The following CALN1 variants were observed in gnomAD, a reference collection of about 807,000 sequenced individuals.
CALN1 encodes calcium-binding protein 8.
CALN1 carries 17 observed loss-of-function variants against 30.6 expected under a neutral mutation model. That is an observed-to-expected ratio of 0.56 (90% CI 0.38 to 0.83). The LOEUF is 0.83. CALN1 is among the 40% of genes least tolerant of loss of function. The probability of loss-of-function intolerance (pLI) is 0.00; values close to 1 mark genes in which losing one functional copy is unlikely to be tolerated. For synonymous variants in CALN1, 156 were observed against 131.4 expected, an observed-to-expected ratio of 1.19 and a Z score of -1.28; for missense variants, 291 against 354.9, an observed-to-expected ratio of 0.82 and a Z score of 1.45.
intron 3 of CALN1, among the ~76,000 whole-genome samples, chr7:72,228,079 CTG>C (rs1318068132): frequency 6.6e-6 from 1 of 152,018 alleles, no homozygotes; most frequent in Non-Finnish European, 1.5e-5. Flanking sequence ...GTGCTGCTGT[CTG>C]TGCCTATCAA....
chr7:72,217,590 T>C (rs1436818133), intron 3 of CALN1, among the ~76,000 whole-genome samples: 2 of 151,926 alleles, frequency 1.3e-5, no homozygotes, highest in Non-Finnish European at 2.9e-5. Context: ...GTTCAGAGAT[T>C]GTCATCAGAG....
chr7:72,392,796 A>C (rs1406677768), intron 2 of CALN1, among the ~76,000 whole-genome samples: 1 of 151,490 alleles, frequency 6.6e-6, no homozygotes, highest in Non-Finnish European at 1.5e-5. Context: ...TGGGCAACAT[A>C]GCAAGACCCT....
intron 4 of CALN1, among the ~76,000 whole-genome samples, chr7:72,077,443 T>C (rs1804826091): frequency 6.6e-6 from 1 of 152,064 alleles, no homozygotes; most frequent in Non-Finnish European, 1.5e-5. Context: ...CCAGCTAATT[T>C]TTGTATTTTT....
chr7:72,166,413 C>A (rs1196475386), intron 3 of CALN1, among the ~76,000 whole-genome samples: 2 of 152,130 alleles, frequency 1.3e-5, no homozygotes, highest in Non-Finnish European at 2.9e-5. Context: ...TGGTCTTGAA[C>A]TCCTGGTCTC....
intron 5 of CALN1, among the ~76,000 whole-genome samples, chr7:71,932,815 CAAAAAA>C (rs5884864): frequency 2.4e-5 from 2 of 82,704 alleles, no homozygotes; most frequent in Admixed American, 1.3e-4. Context: ...TACTCCATCT[CAAAAAA>C]AAAAAAAAAA....
chr7:71,819,138 C>A (rs538526000), intron 5 of CALN1, among the ~76,000 whole-genome samples: 157 of 152,110 alleles, frequency 1.0e-3, no homozygotes, highest in African/African-American at 3.7e-3. Context: ...TACAGACATG[C>A]ACCACCACTT....
chr7:72,248,394 C>T (rs949663784), intron 3 of CALN1, among the ~76,000 whole-genome samples: 2 of 152,302 alleles, frequency 1.3e-5, no homozygotes, highest in Admixed American at 6.5e-5. Context: ...CCACCACGCC[C>T]GGCCTCTTTG....
chr7:72,241,815 A>T (rs776964732), intron 3 of CALN1, among the ~76,000 whole-genome samples: 1 of 152,226 alleles, frequency 6.6e-6, no homozygotes, highest in Non-Finnish European at 1.5e-5. Flanking sequence ...AAACAAAAGC[A>T]GCCCATGCCA....
At chr7:72,123,128 G>A (rs774965232) in intron 3 of CALN1, among the ~76,000 whole-genome samples, 10 of 152,170 alleles carry the variant, frequency 6.6e-5, no homozygotes, top group Non-Finnish European at 1.3e-4. Flanking sequence ...AGAGGACAGC[G>A]ATGGTCACAC....
chr7:72,320,614 C>G (rs1264122485), intron 2 of CALN1, among the ~76,000 whole-genome samples: 2 of 151,906 alleles, frequency 1.3e-5, no homozygotes, highest in African/African-American at 4.8e-5. Context: ...GTGGTCGGAT[C>G]AATTGAGGTC....
At chr7:72,043,037 T>A (rs796175833) in intron 4 of CALN1, among the ~76,000 whole-genome samples, 32 of 152,348 alleles carry the variant, frequency 2.1e-4, no homozygotes, top group African/African-American at 7.5e-4. Context: ...AGAGCAGGAA[T>A]AGATGCATGG....
intron 6 of CALN1, among the ~76,000 whole-genome samples, chr7:71,797,617 C>G (rs1787008306): frequency 1.3e-5 from 2 of 152,124 alleles, no homozygotes; most frequent in Non-Finnish European, 2.9e-5. Context: ...GGTCCCTTCT[C>G]CTCTACAAAA....
At chr7:72,157,427 G>A (rs550720178) in intron 3 of CALN1, among the ~76,000 whole-genome samples, 3 of 152,174 alleles carry the variant, frequency 2.0e-5, no homozygotes, top group African/African-American at 2.4e-5. Flanking sequence ...CCTGTGCTAC[G>A]GGAGGACTCA....
chr7:71,959,855 C>T (rs909750959), intron 5 of CALN1, among the ~76,000 whole-genome samples: 3 of 151,826 alleles, frequency 2.0e-5, no homozygotes, highest in South Asian at 2.1e-4. Flanking sequence ...ATATTTAGGC[C>T]GGGCACAGTG....
At chr7:71,958,108 G>GA (rs919391549) in intron 5 of CALN1, among the ~76,000 whole-genome samples, 6 of 140,042 alleles carry the variant, frequency 4.3e-5, no homozygotes, top group Middle Eastern at 3.7e-3. Context: ...AAAAGAAAAA[G>GA]AAAAAAAAAG....
At chr7:72,390,098 T>C (rs1805482115) in intron 2 of CALN1, among the ~76,000 whole-genome samples, 1 of 151,986 alleles carries the variant, frequency 6.6e-6, no homozygotes, top group Non-Finnish European at 1.5e-5. Context: ...ACCTTTGCCC[T>C]GGGAAGACCT....
At chr7:72,365,157 T>C (rs1803807231) in intron 2 of CALN1, among the ~76,000 whole-genome samples, 1 of 152,010 alleles carries the variant, frequency 6.6e-6, no homozygotes, top group Admixed American at 6.5e-5. Flanking sequence ...ATACAAAAAT[T>C]AGCCAGGCCT....
intron 5 of CALN1, among the ~76,000 whole-genome samples, chr7:71,973,186 T>C: frequency 6.6e-6 from 1 of 152,050 alleles, no homozygotes; most frequent in Middle Eastern, 3.2e-3. Flanking sequence ...TTTTTTTCCC[T>C]TTTTTTAAGA....
intron 5 of CALN1, among the ~76,000 whole-genome samples, chr7:71,916,599 TATAA>T (rs1377183519): frequency 6.6e-6 from 1 of 151,948 alleles, no homozygotes; most frequent in Non-Finnish European, 1.5e-5. Flanking sequence ...TGTTCCCACT[TATAA>T]GTGGGAGCTG....
Sources: gnomAD v4.1 joint callset for allele counts (sites outside exome capture counted in the v4.1 genomes callset) on GRCh38, gnomAD v4.1.1 for gene constraint, MANE v1.5 for transcripts, NCBI Gene and HGNC (gene_info 2026-07-23, HGNC 2026-07-21) for gene names.